The following IRAK1BP1 variants were observed in gnomAD, a reference collection of about 807,000 sequenced individuals.
The protein encoded by IRAK1BP1 is interleukin 1 receptor associated kinase 1 binding protein 1.
A neutral mutation model predicts 28.0 loss-of-function variants in IRAK1BP1; 24 were observed. That is an observed-to-expected ratio of 0.86 (90% CI 0.62 to 1.20). The LOEUF (loss-of-function observed/expected upper bound fraction) is 1.20, where lower values mean the gene tolerates loss of function less well. Among genes scored for constraint, IRAK1BP1 ranks in the 50% most tolerant of loss-of-function variants. The pLI is 0.00. For missense variants in IRAK1BP1, 336 were observed against 316.7 expected (o/e 1.06, Z -0.46); for synonymous variants, 131 against 116.3 (o/e 1.13, Z -0.81).
chr6:78,882,569 ACT>A (rs1191572712), intron 1 of IRAK1BP1, among the ~76,000 whole-genome samples: 4 of 152,144 alleles, frequency 2.6e-5, no homozygotes, highest in African/African-American at 4.8e-5. Context: ...AAAATTTATA[ACT>A]CTAGTCTAAT....
chr6:78,955,136 ATG>A, the IRAK1BP1 span: 2 of 920,572 alleles, frequency 2.2e-6, no homozygotes, highest in Non-Finnish European at 3.3e-6. Context: ...GAAATACTTA[ATG>A]TCTTTTAAAA....
chr6:78,941,802 A>T (rs1017644140), intron 4 of IRAK1BP1, among the ~76,000 whole-genome samples: 1 of 152,160 alleles, frequency 6.6e-6, no homozygotes, highest in Non-Finnish European at 1.5e-5. Flanking sequence ...ATATATATAT[A>T]TCAATCAAAA....
intron 1 of IRAK1BP1, among the ~76,000 whole-genome samples, chr6:78,868,343 T>C (rs1208738931): frequency 1.3e-5 from 2 of 152,234 alleles, no homozygotes; most frequent in Admixed American, 1.3e-4. Flanking sequence ...TGTAAAACTT[T>C]GCATGGAATG....
intron 1 of IRAK1BP1, chr6:78,871,837 G>A: frequency 2.4e-6 from 1 of 421,740 alleles, no homozygotes. Context: ...TAGGGAAGAT[G>A]TCACTGATGC....
exon 5 of IRAK1BP1, chr6:78,945,663 G>C (rs1582081079): frequency 6.3e-6 from 4 of 634,536 alleles, no homozygotes; most frequent in East Asian, 2.8e-5. Flanking sequence ...TATCCAACTA[G>C]AAACTCTTAA....
chr6:78,879,541 C>T (rs985212958), intron 1 of IRAK1BP1, among the ~76,000 whole-genome samples: 4 of 152,162 alleles, frequency 2.6e-5, no homozygotes, highest in African/African-American at 9.7e-5. Flanking sequence ...TCCACACTCA[C>T]CTCACACCTT....
In IRAK1BP1 at chr6:78,898,116, G is replaced by T; in HGVS notation, c.565G>T (p.Val189Phe). The T allele has an allele frequency of 6.2e-7, 1 of 1,613,844 alleles. No individual in the cohort carries two copies. The stretch of plus-strand genomic sequence containing the variant: ...GAATGCGTGGCGCAAAGCTCAAGAA[G>T]TCTGTAACCTTGTTGGCCAAACCTT... ...VENAWRKAQEVCNLVGQTLGK... is the reference protein window; with the variant it reads ...VENAWRKAQEFCNLVGQTLGK... The change falls in exon 4 of 4, where the codon GTC (valine) becomes TTC (phenylalanine). Residue 189 changes from valine to phenylalanine, a missense_variant. By Grantham distance (50) the Val-to-Phe change is conservative. Transcript: ENST00000369940.
At chr6:78,915,436 A>G (rs1395410448) in intron 4 of IRAK1BP1, among the ~76,000 whole-genome samples, 1 of 152,146 alleles carries the variant, frequency 6.6e-6, no homozygotes, top group African/African-American at 2.4e-5. Context: ...ACAGAGTTTC[A>G]CCTGCAGGGA....
intron 4 of IRAK1BP1, among the ~76,000 whole-genome samples, chr6:78,910,688 C>G (rs887225321): frequency 2.0e-5 from 3 of 152,252 alleles, no homozygotes; most frequent in African/African-American, 7.2e-5. Context: ...CGGGCTCCCG[C>G]TCCTCACCTC....
At chr6:78,964,734 AC>A in the IRAK1BP1 span, among the ~76,000 whole-genome samples, 1 of 152,062 alleles carries the variant, frequency 6.6e-6, no homozygotes, top group Admixed American at 6.6e-5. Flanking sequence ...CTCGTGATCC[AC>A]CTGCCTCAGC....
intron 1 of IRAK1BP1, among the ~76,000 whole-genome samples, chr6:78,879,315 G>A (rs9448587): frequency 0.45 from 68,221 of 151,866 alleles, 15,976 homozygotes; most frequent in East Asian, 0.69. Flanking sequence ...AAACCTGCAC[G>A]TTGTGCACAT....
intron 4 of IRAK1BP1, among the ~76,000 whole-genome samples, chr6:78,927,617 G>C (rs532103310): frequency 2.0e-5 from 3 of 152,210 alleles, no homozygotes; most frequent in African/African-American, 7.2e-5. Flanking sequence ...TCAGAACAAT[G>C]TCCTGGAAAG....
At chr6:78,949,474 T>C (rs894552061), downstream of IRAK1BP1, among the ~76,000 whole-genome samples, 1 of 152,128 alleles carries the variant, frequency 6.6e-6, no homozygotes, top group African/African-American at 2.4e-5. Context: ...GACAACTAGA[T>C]ACCTGTGCCC....
chr6:78,975,606 A>G, the IRAK1BP1 span, among the ~76,000 whole-genome samples: 2 of 152,346 alleles, frequency 1.3e-5, no homozygotes, highest in East Asian at 1.9e-4. Context: ...AGATGACATG[A>G]TTGTGTATCT....
At chr6:78,945,187 T>A in intron 4 of IRAK1BP1, 2 of 737,312 alleles carry the variant, frequency 2.7e-6, no homozygotes, top group East Asian at 2.5e-5. Context: ...CTAATACAGA[T>A]GTGTGACTTT....
the IRAK1BP1 span, chr6:78,957,300 A>C: frequency 6.6e-6 from 1 of 152,014 alleles, no homozygotes; most frequent in East Asian, 1.9e-4. Context: ...TAGTTATAAC[A>C]CTTATAAAAA....
chr6:78,872,672 G>A (rs1035530579), intron 1 of IRAK1BP1, among the ~76,000 whole-genome samples: 1 of 152,094 alleles, frequency 6.6e-6, no homozygotes, highest in Non-Finnish European at 1.5e-5. Context: ...TTCGGATTAG[G>A]GATCCTCAAC....
the IRAK1BP1 span, among the ~76,000 whole-genome samples, chr6:78,961,226 T>G: frequency 6.6e-6 from 1 of 152,146 alleles, no homozygotes; most frequent in East Asian, 1.9e-4. Context: ...TTTTCAAATT[T>G]CAGTGTTATA....
At chr6:78,958,627 T>C in the IRAK1BP1 span, 3 of 1,396,284 alleles carry the variant, frequency 2.1e-6, no homozygotes, top group Non-Finnish European at 3.0e-6. Context: ...ATAGAAGTTT[T>C]AACTTCCTTA....
Sources: gnomAD v4.1 joint callset for allele counts (sites outside exome capture counted in the v4.1 genomes callset) on GRCh38, gnomAD v4.1.1 for gene constraint, MANE v1.5 for transcripts, NCBI Gene and HGNC (gene_info 2026-07-23, HGNC 2026-07-21) for gene names.